Variants in TRERF1 observed in about 807,000 individuals in gnomAD.
TRERF1 encodes the protein transcriptional-regulating factor 1.
Under a neutral mutation model 122.9 loss-of-function variants are expected in TRERF1, and 27 were observed. The observed-to-expected ratio is 0.22, with a 90% confidence interval of 0.16 to 0.30. The LOEUF (loss-of-function observed/expected upper bound fraction) is 0.30, where lower values mean the gene tolerates loss of function less well. Ranked by LOEUF, TRERF1 falls within the 10% of genes least tolerant of loss-of-function variation. TRERF1 has a pLI of 1.00. For missense variants in TRERF1, 1,248 were observed against 1,560.3 expected, an observed-to-expected ratio of 0.80 and a Z score of 3.37; for synonymous variants, 636 against 641.7, an observed-to-expected ratio of 0.99 and a Z score of 0.13.
exon 16 of TRERF1, chr6:42,236,332 T>C (rs1432362405): frequency 1.3e-6 from 2 of 1,594,384 alleles, no homozygotes; most frequent in South Asian, 2.3e-5. Flanking sequence ...CACCTCACTC[T>C]CTTCTTCTTT....
intron 2 of TRERF1, among the ~76,000 whole-genome samples, chr6:42,377,927 T>C (rs1246375456): frequency 2.0e-5 from 3 of 152,232 alleles, no homozygotes; most frequent in African/African-American, 7.2e-5. Flanking sequence ...CCATGCTTGC[T>C]GAAGGTGCTC....
chr6:42,233,643 C>T lies in TRERF1; in HGVS notation c.3067-751G>A, dbSNP rs564832178. 2.0e-5 allele frequency among the ~76,000 whole-genome samples: 3 copies of T among 152,058 alleles called. No homozygotes were observed. The South Asian group carries it at 6.2e-4, about 32-fold the overall frequency. ...CTTTTCCTCCCATTTTTCTTCCTTC[C>T]TTCCTCTTTCCCTCCCTCCTTCCTT... is the stretch of plus-strand genomic sequence containing the variant. On this transcript the variant is annotated intron_variant, in intron 16 of 17. Transcript: ENST00000372922.
rs986468653 is a variant in TRERF1 at position 42,393,015 on chromosome 6, C to A, written c.-453-29936G>T. 6.6e-6 allele frequency among the ~76,000 whole-genome samples: 1 copy of A among 151,982 alleles called. No homozygotes were observed. The highest frequency in any genetic ancestry group is 1.9e-4 in the East Asian group (1 of 5,190). Reference sequence around the variant, plus strand: ...CCACTATGGCGTTTCAAGCTGCCGACGCGAGGGCCACTGGACATGGAGTTG... The same window carrying A: ...CCACTATGGCGTTTCAAGCTGCCGAAGCGAGGGCCACTGGACATGGAGTTG... On this transcript the variant is annotated intron_variant, in intron 2 of 17. Transcript: ENST00000372922. The surrounding 1 kb of genome is among the most constrained non-coding windows in gnomAD (Gnocchi z 4.1).
Position 42,406,768 on chromosome 6 carries a change from C to T in TRERF1, c.-453-43689G>A, listed in dbSNP as rs564413020. Among the ~76,000 whole-genome samples the T allele has an allele frequency of 7.9e-5, 12 of 152,176 alleles. No homozygotes were observed. The East Asian group carries it at 2.3e-3, about 29-fold the overall frequency. On this transcript the variant is annotated intron_variant, in intron 2 of 17. Coordinates refer to ENST00000372922, the Ensembl canonical transcript of TRERF1. ...CTCATGACACTTACCCCCCACCCCCCTCCTCCCCAGCCTTTGCAGGGATTT... is the reference window on the plus strand; with the variant it reads ...CTCATGACACTTACCCCCCACCCCCTTCCTCCCCAGCCTTTGCAGGGATTT...
intron 8 of TRERF1, among the ~76,000 whole-genome samples, chr6:42,262,893 G>C (rs974795673): frequency 2.6e-5 from 4 of 152,184 alleles, no homozygotes; most frequent in African/African-American, 9.7e-5. Context: ...GTGGATTTGG[G>C]AGGTCTGGAG....
At chr6:42,406,815 G>A (rs892853561) in intron 2 of TRERF1, among the ~76,000 whole-genome samples, 1 of 151,774 alleles carries the variant, frequency 6.6e-6, no homozygotes, top group Non-Finnish European at 1.5e-5. Context: ...CCCTCTGGAT[G>A]TACAAGCTCC....
chr6:42,424,057 A>C (rs778754380), intron 2 of TRERF1, among the ~76,000 whole-genome samples: 4 of 152,238 alleles, frequency 2.6e-5, no homozygotes, highest in African/African-American at 4.8e-5. Context: ...TTACATGTAG[A>C]TGTTGTTCAT....
intron 2 of TRERF1, among the ~76,000 whole-genome samples, chr6:42,439,410 TG>T (rs1342870337): frequency 6.6e-6 from 1 of 152,016 alleles, no homozygotes; most frequent in Non-Finnish European, 1.5e-5. Flanking sequence ...AAATAAGACA[TG>T]GTATACCCTT....
At chr6:42,447,694 T>C (rs1787773172) in intron 2 of TRERF1, among the ~76,000 whole-genome samples, 1 of 152,018 alleles carries the variant, frequency 6.6e-6, no homozygotes, top group South Asian at 2.1e-4. Context: ...CTTACTTTTC[T>C]TTTTTGTTGT....
At chr6:42,283,333 A>G (rs1275022619) in intron 4 of TRERF1, among the ~76,000 whole-genome samples, 2 of 152,194 alleles carry the variant, frequency 1.3e-5, no homozygotes, top group East Asian at 1.9e-4. Flanking sequence ...GTGGTTACAA[A>G]TAAGTTTAGA....
chr6:42,329,814 C>T (rs931658512), intron 3 of TRERF1, among the ~76,000 whole-genome samples: 1 of 148,354 alleles, frequency 6.7e-6, no homozygotes, highest in African/African-American at 2.6e-5. Flanking sequence ...CATGGTGAAA[C>T]CCCATCTCTA....
At chr6:42,265,239 G>GTT (rs1778942419) in intron 6 of TRERF1, among the ~76,000 whole-genome samples, 2 of 152,186 alleles carry the variant, frequency 1.3e-5, no homozygotes, top group African/African-American at 2.4e-5. Context: ...GGCAGCCGCC[G>GTT]TACTGCACGC....
rs201945970 is a variant in TRERF1 at position 42,254,843 on chromosome 6, C to T, written c.2656+8G>A. On this transcript the variant is annotated splice_region_variant and intron_variant, in intron 13 of 17. Coordinates refer to ENST00000372922, the Ensembl canonical transcript of TRERF1. ...AGGCAACAGGACACAGGGCTCCTGGCAACCTACCGGCATAGTGGTAATTTG... is the reference window on the plus strand; with the variant it reads ...AGGCAACAGGACACAGGGCTCCTGGTAACCTACCGGCATAGTGGTAATTTG... The T allele has an allele frequency of 1.8e-4, 284 of 1,614,020 alleles. No individual in the cohort carries two copies. The highest frequency in any genetic ancestry group is 6.0e-4 in the Admixed American group (36 of 60,008).
Position 42,340,087 on chromosome 6 carries a change from A to G in TRERF1, c.-371+22910T>C, listed in dbSNP as rs553396868. ...TAAGTCTTGTCCTATCCTCAAAACA[A>G]CAGCAATCAAGTCAAAATCAGAAAT... On this transcript the variant is annotated intron_variant, in intron 3 of 17. Transcript: ENST00000372922. 7.2e-5 allele frequency among the ~76,000 whole-genome samples: 11 copies of G among 152,278 alleles called. No individual in the cohort carries two copies. In the East Asian group the frequency reaches 2.1e-3, roughly 29 times the overall value.
At chr6:42,429,805 A>G (rs1784210488) in intron 2 of TRERF1, among the ~76,000 whole-genome samples, 1 of 152,170 alleles carries the variant, frequency 6.6e-6, no homozygotes, top group African/African-American at 2.4e-5. Context: ...CAAACTACAG[A>G]GGACGGGAAC....
At chr6:42,361,957 G>A (rs1220943830) in intron 3 of TRERF1, among the ~76,000 whole-genome samples, 2 of 152,180 alleles carry the variant, frequency 1.3e-5, no homozygotes. Flanking sequence ...CCATGCTGCT[G>A]TAGGTTGATT....
At chr6:42,260,992 G>A (rs1370973145) in intron 8 of TRERF1, among the ~76,000 whole-genome samples, 1 of 152,058 alleles carries the variant, frequency 6.6e-6, no homozygotes, top group African/African-American at 2.4e-5. Flanking sequence ...CCAGGCTCCC[G>A]GCTCCAGAGT....
At chr6:42,359,463 C>T (rs1469832352) in intron 3 of TRERF1, among the ~76,000 whole-genome samples, 1 of 152,178 alleles carries the variant, frequency 6.6e-6, no homozygotes, top group East Asian at 1.9e-4. Flanking sequence ...CAGTGGCTCA[C>T]GCCTATAATC....
chr6:42,287,499 C>T (rs1053968604), intron 4 of TRERF1, among the ~76,000 whole-genome samples: 7 of 152,092 alleles, frequency 4.6e-5, no homozygotes, highest in Admixed American at 1.3e-4. Context: ...TCTCAGCAGA[C>T]GACCCTGACC....
Sources: allele counts gnomAD v4.1 joint callset (sites outside exome capture counted in the v4.1 genomes callset), GRCh38; gene constraint gnomAD v4.1.1; non-coding constraint Gnocchi (gnomAD v3.1); transcripts MANE v1.5; gene names NCBI Gene and HGNC (gene_info 2026-07-23, HGNC 2026-07-21).